ACACA: variants seen among roughly 807,000 people sequenced by gnomAD.
The protein encoded by ACACA is acetyl-CoA carboxylase 1.
In ACACA, 103 loss-of-function variants were observed where a neutral mutation model predicts 296.1. The observed-to-expected ratio is 0.35, with a 90% CI of 0.30 to 0.41. The LOEUF is 0.41. Among genes scored for constraint, ACACA ranks in the 10% least tolerant of loss-of-function variants. The pLI, the probability that ACACA is intolerant of heterozygous loss-of-function variation, is 1.00. For missense variants in ACACA, 1,554 were observed against 2,989.7 expected (o/e 0.52, Z 11.20); for synonymous variants, 953 against 1,038.6 (o/e 0.92, Z 1.58).
At chr17:37,193,337 A>ATT in intron 36 of ACACA, 37 bp downstream of exon 36, 20 of 1,291,526 alleles carry the variant, frequency 1.5e-5, no homozygotes, top group African/African-American at 7.4e-5. Context: ...AGAAAAAGTA[A>ATT]TTTTTTTTTT....
chr17:37,166,638 G>C (rs189831656), intron 41 of ACACA, among the ~76,000 whole-genome samples: 2 of 152,288 alleles, frequency 1.3e-5, no homozygotes, highest in Admixed American at 6.5e-5. Context: ...GACAACTACT[G>C]ATAGTGGTTA....
At chr17:37,314,634 C>CTTTTT (rs57554348) in intron 3 of ACACA, among the ~76,000 whole-genome samples, 17 of 109,990 alleles carry the variant, frequency 1.5e-4, no homozygotes, top group Non-Finnish European at 1.8e-4. Context: ...GGAATCCACA[C>CTTTTT]TTTTTTTTTT....
chr17:37,174,012 A>ATTTTTT (rs1339330288), intron 41 of ACACA, among the ~76,000 whole-genome samples: 1 of 12,468 alleles, frequency 8.0e-5, no homozygotes. Flanking sequence ...ATATATATAT[A>ATTTTTT]TATATATATT....
At chr17:37,357,960 A>T (rs2049218578) in intron 1 of ACACA, among the ~76,000 whole-genome samples, 1 of 152,202 alleles carries the variant, frequency 6.6e-6, no homozygotes, top group Non-Finnish European at 1.5e-5. Context: ...GGAAAGAGAG[A>T]GAAAATCCAA....
At chr17:37,247,830 A>T (rs568004150) in intron 18 of ACACA, 181 bp downstream of exon 18, 6 of 671,704 alleles carry the variant, frequency 8.9e-6, no homozygotes, top group Non-Finnish European at 1.5e-5. Flanking sequence ...GTAGGGAGAC[A>T]TGTTTTTAAT....
chr17:37,389,333 G>T, intron 1 of ACACA: 1 of 1,592,532 alleles, frequency 6.3e-7, no homozygotes, highest in Non-Finnish European at 8.5e-7. Context: ...TGGGACAGCT[G>T]AATCCAAGCC....
intron 3 of ACACA, among the ~76,000 whole-genome samples, chr17:37,320,233 T>C (rs2047286547): frequency 6.6e-6 from 1 of 152,070 alleles, no homozygotes. Flanking sequence ...CCATAAGGCC[T>C]GGGCGCAGTG....
At chr17:37,196,539 C>T (rs370166904) in intron 35 of ACACA, among the ~76,000 whole-genome samples, 5 of 150,596 alleles carry the variant, frequency 3.3e-5, no homozygotes, top group African/African-American at 1.2e-4. Context: ...GGTTTTAGGA[C>T]TTAATGGGGG....
At chr17:37,125,883 G>A in intron 47 of ACACA, 89 bp from the exon 48 acceptor site, 1 of 1,166,774 alleles carries the variant, frequency 8.6e-7, no homozygotes, top group Non-Finnish European at 1.3e-6. Context: ...GTGGTTTGGG[G>A]GATTATTTTG....
chr17:37,342,066 C>A (rs1364681265), intron 1 of ACACA, among the ~76,000 whole-genome samples: 1 of 151,950 alleles, frequency 6.6e-6, no homozygotes, highest in Non-Finnish European at 1.5e-5. Context: ...AAATTATTTT[C>A]TTCATTATAT....
At chr17:37,141,793 G>A (rs955603516) in intron 45 of ACACA, among the ~76,000 whole-genome samples, 1 of 151,956 alleles carries the variant, frequency 6.6e-6, no homozygotes, top group Non-Finnish European at 1.5e-5. Context: ...CCAGGTTCAA[G>A]TGATTCTCCT....
At position 37,206,844 on chromosome 17, in the gene ACACA, G is replaced by A. The variant is rs984323939; in HGVS notation, c.3887C>T (p.Ser1296Phe). 1 of 1,613,862 alleles carries A rather than the reference G, an allele frequency of 6.2e-7. No homozygotes were observed. The highest frequency in any genetic ancestry group is 2.2e-5 in the East Asian group (1 of 44,876). ...AGGGAATGTGGGACTCTGGGGTGGG[G>A]AGTCAGAGAAGCAGCCCATCACTTC... ...FDEVMGCFSD[S>F]PPQSPTFPEA... Residue 1296 changes from serine (S) to phenylalanine (F), a missense_variant, in exon 32 of 56, where the codon TCC (serine) becomes TTC (phenylalanine). Transcript: ENST00000616317.
chr17:37,347,115 G>A (rs529408467), intron 1 of ACACA, among the ~76,000 whole-genome samples: 178 of 152,232 alleles, frequency 1.2e-3, no homozygotes, highest in African/African-American at 4.1e-3. Flanking sequence ...GGAGGTAATC[G>A]AATCCTGGGG....
At chr17:37,288,184 C>T (rs2082879473) in intron 3 of ACACA, among the ~76,000 whole-genome samples, 2 of 152,112 alleles carry the variant, frequency 1.3e-5, no homozygotes, top group Non-Finnish European at 2.9e-5. Flanking sequence ...TGTTTTGTTT[C>T]ATTTTTTTAA....
chr17:37,277,501 G>GTT (rs528684024), intron 6 of ACACA, among the ~76,000 whole-genome samples: 1 of 152,172 alleles, frequency 6.6e-6, no homozygotes, highest in Admixed American at 6.5e-5. Context: ...TAAGTTTAGA[G>GTT]TTTTTTCCTC....
Position 37,098,004 on chromosome 17 carries a change from C to T in ACACA, c.6566-20G>A. The T allele has an allele frequency of 6.2e-7, 1 of 1,614,172 alleles. No homozygotes were observed. The highest frequency in any genetic ancestry group is 8.5e-7 in the Non-Finnish European group (1 of 1,180,012). On this transcript the variant is annotated intron_variant, in intron 52 of 55. Transcript: ENST00000616317. ...GGGTCCCTGCAATTAGATAAACATG[C>T]CCGTCACACTCTGTAATGACCAGGA...
At chr17:37,187,490 A>C (rs2077581728) in intron 39 of ACACA, among the ~76,000 whole-genome samples, 1 of 152,222 alleles carries the variant, frequency 6.6e-6, no homozygotes, top group South Asian at 2.1e-4. Context: ...CTAGTTCTTC[A>C]AAAATGTGAA....
intron 3 of ACACA, among the ~76,000 whole-genome samples, chr17:37,323,549 C>T (rs577326816): frequency 2.6e-5 from 4 of 152,264 alleles, no homozygotes; most frequent in South Asian, 2.1e-4. Context: ...GCTATGATTG[C>T]GCCACTGAAC....
chr17:37,350,730 T>G (rs2048860886), intron 1 of ACACA, among the ~76,000 whole-genome samples: 3 of 151,882 alleles, frequency 2.0e-5, no homozygotes, highest in Admixed American at 2.0e-4. Context: ...TCCCAGCTAC[T>G]CGGGAGGCTG....
Sources: gnomAD v4.1 joint callset for allele counts (sites outside exome capture counted in the v4.1 genomes callset) on GRCh38, gnomAD v4.1.1 for gene constraint, MANE v1.5 for transcripts, NCBI Gene and HGNC (gene_info 2026-07-23, HGNC 2026-07-21) for gene names.